CCDC171: variants seen among roughly 807,000 people sequenced by gnomAD.
The protein encoded by CCDC171 is coiled-coil domain containing 171.
Under a neutral mutation model 168.2 loss-of-function variants are expected in CCDC171, and 177 were observed. The ratio of observed to expected loss-of-function variants is 1.05; its 90% CI spans 0.93 to 1.19. The LOEUF (loss-of-function observed/expected upper bound fraction) is 1.19, where lower values mean the gene tolerates loss of function less well. CCDC171 is among the 50% of genes most tolerant of loss of function. CCDC171 has a pLI of 0.00. For missense variants in CCDC171, 1,991 were observed against 1,539.0 expected, an observed-to-expected ratio of 1.29 and a Z score of -4.91; for synonymous variants, 687 against 540.8, an observed-to-expected ratio of 1.27 and a Z score of -3.75.
intron 25 of CCDC171, among the ~76,000 whole-genome samples, chr9:15,935,427 T>A (rs1457246211): frequency 3.3e-5 from 5 of 152,080 alleles, no homozygotes; most frequent in Non-Finnish European, 7.4e-5. Context: ...AAATTCCCTG[T>A]CAGCTTTAAA....
At chr9:16,015,985 G>A (rs1029215836) in intron 3 of CCDC171, among the ~76,000 whole-genome samples, 1 of 152,068 alleles carries the variant, frequency 6.6e-6, no homozygotes, top group Non-Finnish European at 1.5e-5. Context: ...CCCATTGTAC[G>A]TACATAACAC....
At chr9:15,650,374 T>A (rs1225225106) in intron 7 of CCDC171, among the ~76,000 whole-genome samples, 2 of 152,276 alleles carry the variant, frequency 1.3e-5, no homozygotes, top group Admixed American at 6.5e-5. Context: ...GTTGTGCATA[T>A]GTACCCTAGA....
In CCDC171 at chr9:15,897,825, A is replaced by G. The variant is rs149130680; in HGVS notation, c.3601-22445A>G. Among the ~76,000 whole-genome samples the G allele has an allele frequency of 2.3e-3, 357 of 152,310 alleles. 2 individuals carry two copies. The highest frequency in any genetic ancestry group is 8.0e-3 in the African/African-American group (334 of 41,578). The stretch of plus-strand genomic sequence containing the variant: ...ACTGATTTCACTGAGAAACAAATAA[A>G]CAAACATCAACCAGTCCAAATCAAA... On this transcript the variant is annotated intron_variant, in intron 24 of 25. Transcript: ENST00000380701.
intron 15 of CCDC171, 142 bp from the exon 16 acceptor site, chr9:15,729,468 T>G (rs1271509729): frequency 2.0e-6 from 1 of 488,872 alleles, no homozygotes; most frequent in Non-Finnish European, 3.4e-6. Flanking sequence ...TTAAATTTCT[T>G]TATTTACATT....
chr9:15,691,542 T>TATATATATA (rs1554762137), intron 10 of CCDC171, among the ~76,000 whole-genome samples: 1,584 of 112,636 alleles, frequency 0.014, 59 homozygotes, highest in South Asian at 0.039. Context: ...TAAATATATG[T>TATATATATA]TTTTTATATA....
rs756326709 is a variant in CCDC171 at position 15,912,713 on chromosome 9, T to C, written c.3601-7557T>C. 7.9e-5 allele frequency among the ~76,000 whole-genome samples: 12 copies of C among 152,350 alleles called. No homozygotes were observed. The South Asian group carries it at 1.4e-3, about 18-fold the overall frequency. ...TCTTATTATTTTGAGATATGTTCCA[T>C]CAGTACCTAGTTTATTGAGTGTTTT... On this transcript the variant is annotated intron_variant, in intron 24 of 25. Transcript: ENST00000380701.
intron 9 of CCDC171, among the ~76,000 whole-genome samples, chr9:15,666,565 A>G (rs1206355145): frequency 2.0e-5 from 3 of 152,182 alleles, no homozygotes; most frequent in African/African-American, 4.8e-5. Flanking sequence ...TAGAAAGTAA[A>G]TACATTAATG....
intron 9 of CCDC171, among the ~76,000 whole-genome samples, chr9:15,668,486 C>T (rs1322510286): frequency 6.6e-6 from 1 of 152,140 alleles, no homozygotes; most frequent in Non-Finnish European, 1.5e-5. Context: ...AGCTAACTAA[C>T]ACTCCTAATG....
intron 24 of CCDC171, among the ~76,000 whole-genome samples, chr9:15,908,747 G>T (rs957179066): frequency 2.3e-4 from 35 of 152,270 alleles, no homozygotes; most frequent in African/African-American, 7.7e-4. Flanking sequence ...GCTTCAGGAA[G>T]CTTAAGATTC....
At chr9:15,704,383 T>G (rs1395477737) in intron 11 of CCDC171, among the ~76,000 whole-genome samples, 2 of 152,200 alleles carry the variant, frequency 1.3e-5, no homozygotes, top group African/African-American at 4.8e-5. Context: ...AAATAATTAA[T>G]TCTGTTATCT....
chr9:15,860,197 C>T (rs1366856934), intron 23 of CCDC171, among the ~76,000 whole-genome samples: 2 of 150,194 alleles, frequency 1.3e-5, no homozygotes, highest in Non-Finnish European at 3.0e-5. Flanking sequence ...TTGTAAATTT[C>T]GTCTTTTCAA....
At chr9:15,780,092 GTAGTT>G (rs1253436500) in intron 20 of CCDC171, among the ~76,000 whole-genome samples, 1 of 152,216 alleles carries the variant, frequency 6.6e-6, no homozygotes, top group Non-Finnish European at 1.5e-5. Flanking sequence ...AGCAGGTGTA[GTAGTT>G]TAGTTATTAA....
the CCDC171 span, among the ~76,000 whole-genome samples, chr9:16,073,913 C>T: frequency 6.6e-6 from 1 of 152,214 alleles, no homozygotes. Context: ...CAAAATTTCA[C>T]TTAACCTTCT....
chr9:15,634,943 G>T (rs767148367), intron 7 of CCDC171, among the ~76,000 whole-genome samples: 6 of 152,140 alleles, frequency 3.9e-5, no homozygotes, highest in Non-Finnish European at 7.4e-5. Context: ...ATGTTTTCAA[G>T]GTTTGTCCAT....
chr9:15,645,829 T>C (rs1246256611), intron 7 of CCDC171, among the ~76,000 whole-genome samples: 1 of 152,236 alleles, frequency 6.6e-6, no homozygotes, highest in East Asian at 1.9e-4. Context: ...CTCTTCAGGA[T>C]ATTATCCAGG....
In CCDC171 at chr9:16,006,469, T is replaced by C. The variant is rs536035076; in HGVS notation, n.369-14120T>C. Among the ~76,000 whole-genome samples the C allele has an allele frequency of 3.3e-5, 5 of 152,334 alleles. No individual in the cohort carries two copies. In the South Asian group the frequency reaches 1.0e-3, roughly 32 times the overall value. On this transcript the variant is annotated intron_variant and non_coding_transcript_variant, in intron 3 of 9. Transcript: ENST00000486641. ...ATTATACTTTAAGTTTTAGGGTACA[T>C]GTGCACAACGTGCAGGTTTGTTACA...
intron 21 of CCDC171, among the ~76,000 whole-genome samples, chr9:15,835,937 TGTTA>T (rs2136300084): frequency 6.6e-6 from 1 of 152,282 alleles, no homozygotes; most frequent in East Asian, 1.9e-4. Context: ...CTCTTTATTT[TGTTA>T]TTGTCTTCAA....
chr9:15,884,749 C>T (rs766909875), intron 24 of CCDC171, among the ~76,000 whole-genome samples: 2 of 152,068 alleles, frequency 1.3e-5, no homozygotes, highest in South Asian at 2.1e-4. Context: ...TGCTTTTGCT[C>T]ACAGGACTGT....
chr9:15,589,104 G>A (rs1483623920), intron 4 of CCDC171, among the ~76,000 whole-genome samples: 1 of 152,082 alleles, frequency 6.6e-6, no homozygotes, highest in Non-Finnish European at 1.5e-5. Flanking sequence ...TCTCTGAAGT[G>A]GATTGATGGG....
Sources: gnomAD v4.1 joint callset for allele counts (sites outside exome capture counted in the v4.1 genomes callset) on GRCh38, gnomAD v4.1.1 for gene constraint, MANE v1.5 for transcripts, NCBI Gene and HGNC (gene_info 2026-07-23, HGNC 2026-07-21) for gene names.